TJP1: variants seen among roughly 807,000 people sequenced by gnomAD.
The protein encoded by TJP1 is tight junction protein ZO-1.
A neutral mutation model predicts 194.2 loss-of-function variants in TJP1; 43 were observed. The observed-to-expected ratio is 0.22, with a 90% CI of 0.17 to 0.29. The LOEUF (loss-of-function observed/expected upper bound fraction) is 0.29. Among genes scored for constraint, TJP1 ranks in the 10% least tolerant of loss-of-function variants. TJP1 has a pLI of 1.00. For synonymous variants in TJP1, 801 were observed against 779.0 expected (o/e 1.03, Z -0.47); for missense variants, 1,971 against 2,185.7 (o/e 0.90, Z 1.96).
At chr15:29,922,302 G>C (rs2054391525) in intron 2 of TJP1, among the ~76,000 whole-genome samples, 1 of 152,176 alleles carries the variant, frequency 6.6e-6, no homozygotes, top group Admixed American at 6.5e-5. Context: ...GGTCAACATA[G>C]TGAGGTCATG....
chr15:29,750,391 G>A (rs543444584), intron 8 of TJP1, among the ~76,000 whole-genome samples: 2 of 151,972 alleles, frequency 1.3e-5, no homozygotes, highest in East Asian at 1.9e-4. Context: ...TGCTCGCCTC[G>A]GCCTCCCAAA....
chr15:29,949,304 A>ACCT (rs2055437727), intron 2 of TJP1, among the ~76,000 whole-genome samples: 1 of 115,910 alleles, frequency 8.6e-6, no homozygotes, highest in South Asian at 3.2e-4. Flanking sequence ...CTCCACCACC[A>ACCT]CCACCTCCAC....
chr15:29,902,807 G>C (rs375946923), intron 2 of TJP1, among the ~76,000 whole-genome samples: 2 of 152,102 alleles, frequency 1.3e-5, no homozygotes, highest in Non-Finnish European at 2.9e-5. Flanking sequence ...AGACCACGGC[G>C]GGTGGATCAC....
Position 29,828,009 on chromosome 15 carries a change from T to A in TJP1, c.307-27307A>T, listed in dbSNP as rs559823771. ...ATACAGTCCTTCTGTAAAAGATTCA[T>A]GCAATTGATATATTTTTTAAAGTCC... On this transcript the variant is annotated intron_variant, in intron 2 of 28. Coordinates refer to the TJP1 transcript ENST00000356107. Among the ~76,000 whole-genome samples the A allele has an allele frequency of 1.3e-4, 20 of 152,336 alleles. 1 individual carries two copies. In the South Asian group the frequency reaches 4.1e-3, roughly 32 times the overall value.
At chr15:29,968,152 AGTC>A (rs2056394039) in intron 1 of TJP1, 2 of 985,362 alleles carry the variant, frequency 2.0e-6, no homozygotes, top group Admixed American at 1.2e-4. Context: ...GGTGGAATAC[AGTC>A]CCTGACAATG....
chr15:29,843,172 T>C (rs549253751), intron 2 of TJP1, among the ~76,000 whole-genome samples: 15 of 146,804 alleles, frequency 1.0e-4, no homozygotes. Context: ...TCTGTTTTTT[T>C]TCTTTTTTCT....
chr15:29,793,266 G>C (rs2048207042), intron 2 of TJP1, among the ~76,000 whole-genome samples: 1 of 152,264 alleles, frequency 6.6e-6, no homozygotes, highest in Non-Finnish European at 1.5e-5. Flanking sequence ...TTATTGTGTT[G>C]AGGCATGTTC....
chr15:29,754,388 G>A (rs1293000664), intron 8 of TJP1, among the ~76,000 whole-genome samples: 1 of 152,112 alleles, frequency 6.6e-6, no homozygotes, highest in African/African-American at 2.4e-5. Context: ...GGTAGGAGGA[G>A]GGAGAACAAG....
intron 2 of TJP1, among the ~76,000 whole-genome samples, chr15:29,931,455 TAG>T (rs1334483615): frequency 6.6e-6 from 1 of 152,202 alleles, no homozygotes; most frequent in African/African-American, 2.4e-5. Flanking sequence ...TTTAGAAGAA[TAG>T]AGAGATGTAC....
intron 1 of TJP1, among the ~76,000 whole-genome samples, chr15:29,961,331 ATTC>A (rs1299994047): frequency 1.9e-4 from 16 of 83,336 alleles, no homozygotes; most frequent in Admixed American, 1.5e-4. Context: ...ACTTTTCCTA[ATTC>A]TTTTTTTTTT....
chr15:29,742,822 A>T (rs977521128), intron 8 of TJP1, 41 bp from the exon 9 acceptor site: 1 of 1,534,494 alleles, frequency 6.5e-7, no homozygotes, highest in Non-Finnish European at 8.7e-7. Flanking sequence ...CATAAGAATG[A>T]TTCTGGAAAG....
At chr15:29,886,348 A>T (rs1455721233) in intron 2 of TJP1, among the ~76,000 whole-genome samples, 1 of 152,200 alleles carries the variant, frequency 6.6e-6, no homozygotes, top group African/African-American at 2.4e-5. Flanking sequence ...GTTAAAAGAT[A>T]TGAGGCAGAA....
At chr15:29,782,332 C>A (rs1236563693) in intron 2 of TJP1, among the ~76,000 whole-genome samples, 1 of 152,158 alleles carries the variant, frequency 6.6e-6, no homozygotes, top group Non-Finnish European at 1.5e-5. Flanking sequence ...CAGCATGGTA[C>A]TGTAACAAAG....
At chr15:29,734,712 C>A (rs983819440) in intron 11 of TJP1, among the ~76,000 whole-genome samples, 21 of 152,078 alleles carry the variant, frequency 1.4e-4, no homozygotes, top group Non-Finnish European at 2.9e-5. Context: ...TCTCAAACTC[C>A]TGACCTCAGG....
chr15:29,794,693 A>G lies in TJP1; in HGVS notation c.84+5953T>C, dbSNP rs542235460. 7.7e-4 allele frequency among the ~76,000 whole-genome samples: 117 copies of G among 152,324 alleles called. 1 individual carries two copies. The highest frequency in any genetic ancestry group is 2.7e-3 in the African/African-American group (112 of 41,566). On this transcript the variant is annotated intron_variant, in intron 2 of 27. Transcript: ENST00000614355. ...AAGGGAAACATACTTTAGCTAATTT[A>G]AAGGTGTCTTATGTTATTTTGCTTA...
At chr15:29,842,146 G>A (rs965007736) in intron 2 of TJP1, among the ~76,000 whole-genome samples, 2 of 152,068 alleles carry the variant, frequency 1.3e-5, no homozygotes, top group African/African-American at 2.4e-5. Flanking sequence ...TAAGTGAAAC[G>A]ACGTATAACA....
At chr15:29,760,796 A>T (rs1328419835) in intron 8 of TJP1, among the ~76,000 whole-genome samples, 2 of 152,222 alleles carry the variant, frequency 1.3e-5, no homozygotes, top group African/African-American at 4.8e-5. Flanking sequence ...CTTCTAATGC[A>T]ATAGTATGAC....
chr15:29,713,411 A>G (rs538269682), intron 23 of TJP1, among the ~76,000 whole-genome samples: 2 of 152,308 alleles, frequency 1.3e-5, no homozygotes, highest in South Asian at 2.1e-4. Flanking sequence ...AGACTGGGTA[A>G]TATCTGCTTG....
At chr15:29,711,402 G>T (rs1288350482) in intron 23 of TJP1, among the ~76,000 whole-genome samples, 3 of 152,078 alleles carry the variant, frequency 2.0e-5, no homozygotes, top group Non-Finnish European at 4.4e-5. Flanking sequence ...GTCTCATTCT[G>T]TCGCCCAGAC....
Sources: gnomAD v4.1 joint callset for allele counts (sites outside exome capture counted in the v4.1 genomes callset) on GRCh38, gnomAD v4.1.1 for gene constraint, MANE v1.5 for transcripts, NCBI Gene and HGNC (gene_info 2026-07-23, HGNC 2026-07-21) for gene names.